The following AUTS2 variants were observed in gnomAD, a reference collection of about 807,000 sequenced individuals.
The protein encoded by AUTS2 is autism susceptibility gene 2 protein.
In AUTS2, 17 loss-of-function variants were observed where a neutral mutation model predicts 112.4. The observed-to-expected ratio is 0.15, with a 90% confidence interval of 0.10 to 0.23. The LOEUF is 0.23. Among genes scored for constraint, AUTS2 ranks in the 10% least tolerant of loss-of-function variants. AUTS2 has a pLI of 1.00. For missense variants in AUTS2, 1,510 were observed against 1,701.6 expected (o/e 0.89, Z 1.98); for synonymous variants, 751 against 702.7 (o/e 1.07, Z -1.09).
At chr7:70,315,672 T>C (rs1369906879) in intron 4 of AUTS2, among the ~76,000 whole-genome samples, 1 of 152,232 alleles carries the variant, frequency 6.6e-6, no homozygotes, top group Non-Finnish European at 1.5e-5. Flanking sequence ...CCAACTTGGC[T>C]TGATAGTCTC....
At chr7:70,544,757 G>A (rs1800700231) in intron 5 of AUTS2, among the ~76,000 whole-genome samples, 1 of 152,200 alleles carries the variant, frequency 6.6e-6, no homozygotes, top group Admixed American at 6.5e-5. Flanking sequence ...CTAGGTTAGA[G>A]TCTTAGCAGG....
intron 1 of AUTS2, among the ~76,000 whole-genome samples, chr7:69,761,139 A>G (rs1291901922): frequency 6.6e-6 from 1 of 152,202 alleles, no homozygotes; most frequent in East Asian, 1.9e-4. Context: ...TGCAAGGCTA[A>G]TAAATGCATG....
chr7:70,393,047 C>A (rs1793931736), intron 4 of AUTS2, among the ~76,000 whole-genome samples: 1 of 152,226 alleles, frequency 6.6e-6, no homozygotes, highest in Admixed American at 6.5e-5. Flanking sequence ...CCGACTGCTC[C>A]CGACAGGAAG....
intron 4 of AUTS2, among the ~76,000 whole-genome samples, chr7:70,430,527 A>C (rs182852412): frequency 1.3e-5 from 2 of 152,272 alleles, no homozygotes; most frequent in Admixed American, 1.3e-4. Context: ...AAATGTGGGC[A>C]TAGAGATTTT....
intron 1 of AUTS2, among the ~76,000 whole-genome samples, chr7:69,826,864 A>C (rs1406899432): frequency 2.6e-5 from 4 of 152,142 alleles, no homozygotes; most frequent in African/African-American, 9.7e-5. Context: ...TCCTCCAACA[A>C]ATTATTGAGT....
chr7:69,606,214 A>G (rs1335809189), intron 1 of AUTS2, among the ~76,000 whole-genome samples: 1 of 152,234 alleles, frequency 6.6e-6, no homozygotes, highest in Non-Finnish European at 1.5e-5. Context: ...AGGGTGATAG[A>G]TTCTGAGACT....
At chr7:70,049,092 C>T (rs1253296898) in intron 2 of AUTS2, among the ~76,000 whole-genome samples, 1 of 152,156 alleles carries the variant, frequency 6.6e-6, no homozygotes, top group Non-Finnish European at 1.5e-5. Flanking sequence ...CACCACCATC[C>T]TCAGTAGTCA....
At chr7:70,580,971 G>A (rs1158362970) in intron 5 of AUTS2, among the ~76,000 whole-genome samples, 1 of 152,216 alleles carries the variant, frequency 6.6e-6, no homozygotes, top group African/African-American at 2.4e-5. Context: ...GAGGCTGGGT[G>A]TGGTGGCCCA....
intron 2 of AUTS2, among the ~76,000 whole-genome samples, chr7:69,966,367 A>T (rs1797636116): frequency 6.6e-6 from 1 of 152,146 alleles, no homozygotes; most frequent in Non-Finnish European, 1.5e-5. Flanking sequence ...ACTAGCTATA[A>T]TGCTATAGTC....
At chr7:70,315,657 C>G (rs1345687900) in intron 4 of AUTS2, among the ~76,000 whole-genome samples, 1 of 152,162 alleles carries the variant, frequency 6.6e-6, no homozygotes, top group Admixed American at 6.5e-5. Context: ...TAAATTTCTC[C>G]TTCCCCAACT....
intron 1 of AUTS2, among the ~76,000 whole-genome samples, chr7:69,672,025 G>C (rs1318555514): frequency 6.6e-6 from 1 of 151,858 alleles, no homozygotes; most frequent in Non-Finnish European, 1.5e-5. Flanking sequence ...CAGCTTCCCA[G>C]AGAGTAGAAC....
chr7:69,843,234 T>A (rs145480438), intron 1 of AUTS2, among the ~76,000 whole-genome samples: 1 of 152,062 alleles, frequency 6.6e-6, no homozygotes, highest in African/African-American at 2.4e-5. Flanking sequence ...AAATATCTCA[T>A]AGATGAATTA....
intron 4 of AUTS2, among the ~76,000 whole-genome samples, chr7:70,339,970 T>C (rs537591928): frequency 6.6e-6 from 1 of 152,186 alleles, no homozygotes; most frequent in African/African-American, 2.4e-5. Flanking sequence ...GGAAAAGAGA[T>C]GTAATTTGAA....
At chr7:69,649,743 G>A (rs1403888667) in intron 1 of AUTS2, among the ~76,000 whole-genome samples, 1 of 151,976 alleles carries the variant, frequency 6.6e-6, no homozygotes. Flanking sequence ...ATAATTAGAT[G>A]AGGGTTATAG....
Position 70,405,054 on chromosome 7 carries a change from C to T in AUTS2, c.661-30698C>T, listed in dbSNP as rs73704457. On this transcript the variant is annotated intron_variant, in intron 4 of 18. Transcript: ENST00000342771. ...AGTTCAGGGGAAATGCAAATATAAG[C>T]TCCCTCCTACCTATAGCAGGAAATT... Among the ~76,000 whole-genome samples, 633 of 152,268 alleles carry T rather than the reference C, an allele frequency of 4.2e-3. 7 individuals are homozygous for T. The highest frequency in any genetic ancestry group is 0.014 in the African/African-American group (577 of 41,540).
chr7:69,976,510 A>G (rs922645219), intron 2 of AUTS2, among the ~76,000 whole-genome samples: 2 of 152,198 alleles, frequency 1.3e-5, no homozygotes, highest in Admixed American at 1.3e-4. Context: ...GTTGGATCAT[A>G]TGGTAGTTCT....
intron 2 of AUTS2, among the ~76,000 whole-genome samples, chr7:69,917,882 G>T (rs559804564): frequency 2.6e-5 from 4 of 151,780 alleles, no homozygotes; most frequent in Non-Finnish European, 4.4e-5. Context: ...TCGCTCTGTC[G>T]CCCAGGCTGG....
At chr7:70,648,443 G>A (rs1282555950) in intron 5 of AUTS2, among the ~76,000 whole-genome samples, 2 of 152,278 alleles carry the variant, frequency 1.3e-5, no homozygotes, top group African/African-American at 4.8e-5. Context: ...GTTCTGTGTT[G>A]TATATGTCTG....
At chr7:69,859,525 A>G (rs892238572) in intron 1 of AUTS2, among the ~76,000 whole-genome samples, 3 of 152,194 alleles carry the variant, frequency 2.0e-5, no homozygotes, top group African/African-American at 7.2e-5. Context: ...GTTTGTGGTT[A>G]TTGATTCTAG....
Sources: gnomAD v4.1 joint callset for allele counts (sites outside exome capture counted in the v4.1 genomes callset) on GRCh38, gnomAD v4.1.1 for gene constraint, MANE v1.5 for transcripts, NCBI Gene and HGNC (gene_info 2026-07-23, HGNC 2026-07-21) for gene names.